The following TUSC3 variants were observed in gnomAD, a reference collection of about 807,000 sequenced individuals.
TUSC3 encodes dolichyl-diphosphooligosaccharide--protein glycosyltransferase subunit TUSC3.
Under a neutral mutation model 44.8 loss-of-function variants are expected in TUSC3, and 45 were observed. The ratio of observed to expected loss-of-function variants is 1.00; its 90% CI spans 0.79 to 1.29. The LOEUF (loss-of-function observed/expected upper bound fraction) is 1.29, where lower values mean the gene tolerates loss of function less well. Among genes scored for constraint, TUSC3 ranks in the 50% most tolerant of loss-of-function variants. TUSC3 has a pLI of 0.00. For synonymous variants in TUSC3, 212 were observed against 152.9 expected (o/e 1.39, Z -2.85); for missense variants, 519 against 437.9 (o/e 1.19, Z -1.65).
At chr8:15,722,843 C>G (rs944344323) in intron 6 of TUSC3, among the ~76,000 whole-genome samples, 2 of 151,918 alleles carry the variant, frequency 1.3e-5, no homozygotes, top group Non-Finnish European at 2.9e-5. Context: ...AAAAAAAACC[C>G]TTCTTACTTG....
At chr8:15,653,168 G>C (rs1806993010) in intron 3 of TUSC3, among the ~76,000 whole-genome samples, 1 of 152,114 alleles carries the variant, frequency 6.6e-6, no homozygotes, top group Non-Finnish European at 1.5e-5. Context: ...TGGTGTCATT[G>C]TTGAGGAAGC....
intron 6 of TUSC3, among the ~76,000 whole-genome samples, chr8:15,683,707 T>C (rs1808513517): frequency 6.6e-6 from 1 of 152,178 alleles, no homozygotes; most frequent in South Asian, 2.1e-4. Flanking sequence ...TACAAAACAC[T>C]GACTTTTTCA....
chr8:15,562,507 C>T (rs1802515297), intron 1 of TUSC3, among the ~76,000 whole-genome samples: 1 of 152,098 alleles, frequency 6.6e-6, no homozygotes. Flanking sequence ...CATTTCTTAT[C>T]TCCTAGTTTC....
chr8:15,514,652 A>G (rs937651027), intron 2 of TUSC3, among the ~76,000 whole-genome samples: 2 of 152,184 alleles, frequency 1.3e-5, no homozygotes, highest in African/African-American at 4.8e-5. Context: ...AGCCTACTAC[A>G]TTTGTTAATG....
chr8:15,733,650 A>C (rs1810815157), intron 7 of TUSC3: 1 of 156,190 alleles, frequency 6.4e-6, no homozygotes, highest in African/African-American at 2.4e-5. Flanking sequence ...TCTTTATGCT[A>C]ATAGTCATTA....
At chr8:15,538,709 G>A (rs1263260623), upstream of TUSC3, among the ~76,000 whole-genome samples, 1 of 152,056 alleles carries the variant, frequency 6.6e-6, no homozygotes, top group East Asian at 1.9e-4. Context: ...TATAAAGGCA[G>A]GCAACAAACC....
chr8:15,792,119 AAC>A, the TUSC3 span, among the ~76,000 whole-genome samples: 87,839 of 150,204 alleles, frequency 0.58, 26,279 homozygotes, highest in Non-Finnish European at 0.66. Context: ...GCCAACCTCT[AAC>A]ACACACACAC....
the TUSC3 span, among the ~76,000 whole-genome samples, chr8:15,812,356 A>G: frequency 6.6e-6 from 1 of 152,232 alleles, no homozygotes; most frequent in South Asian, 2.1e-4. Flanking sequence ...ATGGGAGTCA[A>G]AATATGAAAG....
At chr8:15,781,280 C>T in the TUSC3 span, among the ~76,000 whole-genome samples, 1 of 152,140 alleles carries the variant, frequency 6.6e-6, no homozygotes, top group African/African-American at 2.4e-5. Context: ...GGAAGTGGAA[C>T]CCCAACCTTT....
intron 1 of TUSC3, among the ~76,000 whole-genome samples, chr8:15,438,146 G>A (rs894517459): frequency 6.6e-6 from 1 of 152,114 alleles, no homozygotes; most frequent in South Asian, 2.1e-4. Context: ...CCAGGCTGGA[G>A]TGCAATGGCA....
chr8:15,461,568 A>G (rs547355754), intron 1 of TUSC3, among the ~76,000 whole-genome samples: 14 of 152,102 alleles, frequency 9.2e-5, no homozygotes, highest in Middle Eastern at 3.4e-3. Flanking sequence ...TTCCAGTACT[A>G]TATTAAAGAG....
chr8:15,795,863 C>A, the TUSC3 span, among the ~76,000 whole-genome samples: 1 of 151,890 alleles, frequency 6.6e-6, no homozygotes, highest in South Asian at 2.1e-4. Context: ...TCCAATCTGT[C>A]CTTTATATTC....
chr8:15,637,462 C>G (rs1478568140), intron 2 of TUSC3, among the ~76,000 whole-genome samples: 1 of 151,892 alleles, frequency 6.6e-6, no homozygotes, highest in Non-Finnish European at 1.5e-5. Context: ...TGTTTAATTT[C>G]TGATTTGAGA....
chr8:15,798,226 TA>T, the TUSC3 span, among the ~76,000 whole-genome samples: 2 of 151,860 alleles, frequency 1.3e-5, no homozygotes, highest in Admixed American at 6.5e-5. Flanking sequence ...GAACATTGAA[TA>T]GACCCTTAAG....
At chr8:15,628,957 A>G (rs1018940855) in intron 2 of TUSC3, among the ~76,000 whole-genome samples, 3 of 152,200 alleles carry the variant, frequency 2.0e-5, no homozygotes, top group Non-Finnish European at 4.4e-5. Context: ...GAAGCTAGGG[A>G]AAGTTGACAA....
At chr8:15,694,099 T>G (rs1218291739) in intron 6 of TUSC3, among the ~76,000 whole-genome samples, 2 of 152,124 alleles carry the variant, frequency 1.3e-5, no homozygotes, top group East Asian at 3.9e-4. Flanking sequence ...CCTAGTGATC[T>G]TCGTTTTTAT....
chr8:15,826,931 C>G, the TUSC3 span, among the ~76,000 whole-genome samples: 1 of 152,112 alleles, frequency 6.6e-6, no homozygotes, highest in African/African-American at 2.4e-5. Flanking sequence ...AGCTCTCAAT[C>G]CTTGATTAAA....
At chr8:15,426,142 T>C (rs1034657208) in intron 1 of TUSC3, among the ~76,000 whole-genome samples, 6 of 152,232 alleles carry the variant, frequency 3.9e-5, no homozygotes, top group African/African-American at 1.4e-4. Flanking sequence ...ATTTGATGAG[T>C]TTGATATGCA....
At chr8:15,499,035 C>T (rs568859928) in intron 2 of TUSC3, among the ~76,000 whole-genome samples, 4 of 151,316 alleles carry the variant, frequency 2.6e-5, no homozygotes, top group Admixed American at 6.6e-5. Context: ...CCTGTGGGTT[C>T]CAAATTATTC....
Sources: gnomAD v4.1 joint callset for allele counts (sites outside exome capture counted in the v4.1 genomes callset) on GRCh38, gnomAD v4.1.1 for gene constraint, MANE v1.5 for transcripts, NCBI Gene and HGNC (gene_info 2026-07-23, HGNC 2026-07-21) for gene names.